The following TWSG1 variants were observed in gnomAD, a reference collection of about 807,000 sequenced individuals.
The protein encoded by TWSG1 is twisted gastrulation BMP signaling modulator 1, also known as twisted gastrulation protein homolog 1.
Under a neutral mutation model 23.0 loss-of-function variants are expected in TWSG1, and 15 were observed. That is an observed-to-expected ratio of 0.65 (90% CI 0.44 to 1.00). The LOEUF (loss-of-function observed/expected upper bound fraction) is 1.00. TWSG1 is among the 50% of genes least tolerant of loss of function. The pLI, the probability that TWSG1 is intolerant of heterozygous loss-of-function variation, is 0.00. For missense variants in TWSG1, 242 were observed against 278.7 expected (o/e 0.87, Z 0.94); for synonymous variants, 86 against 92.8 (o/e 0.93, Z 0.42).
chr18:9,336,102 G>T (rs1361522277), intron 1 of TWSG1, among the ~76,000 whole-genome samples: 2 of 152,122 alleles, frequency 1.3e-5, no homozygotes, highest in African/African-American at 4.8e-5. Context: ...AGAATTAAAA[G>T]AATATCTTGG....
chr18:9,369,838 T>G (rs1315868394), intron 3 of TWSG1, among the ~76,000 whole-genome samples: 1 of 152,174 alleles, frequency 6.6e-6, no homozygotes, highest in African/African-American at 2.4e-5. Context: ...GCCCCCTGAG[T>G]TCGTTACATA....
intron 3 of TWSG1, among the ~76,000 whole-genome samples, chr18:9,365,076 G>A (rs557230623): frequency 2.6e-5 from 4 of 152,138 alleles, no homozygotes; most frequent in African/African-American, 4.8e-5. Flanking sequence ...ATTCCAGCAC[G>A]TTGGGAGGCC....
intron 4 of TWSG1, 101 bp downstream of exon 4, chr18:9,396,647 G>A (rs2040738083): frequency 1.4e-6 from 2 of 1,428,440 alleles, no homozygotes; most frequent in Non-Finnish European, 1.9e-6. Context: ...GCAGCCTTTT[G>A]GTTTTGAATT....
At position 9,382,623 on chromosome 18, in the gene TWSG1, A is replaced by G. The variant is rs941622571; in HGVS notation, c.224-13657A>G. 2.0e-5 allele frequency among the ~76,000 whole-genome samples: 3 copies of G among 151,968 alleles called. No individual in the cohort carries two copies. In the East Asian group the frequency reaches 5.8e-4, roughly 29 times the overall value. Reference sequence around the variant, plus strand: ...GAGGTCAGGAGTTCGCCTGGCCAACATGGTGAAAACCTGTCTCTACTAAAA... The same window carrying G: ...GAGGTCAGGAGTTCGCCTGGCCAACGTGGTGAAAACCTGTCTCTACTAAAA... On this transcript the variant is annotated intron_variant, in intron 3 of 4. Transcript: ENST00000262120.
chr18:9,383,203 T>G (rs1247016871), intron 3 of TWSG1, among the ~76,000 whole-genome samples: 14 of 148,696 alleles, frequency 9.4e-5, no homozygotes, highest in Middle Eastern at 3.2e-3. Context: ...TGTTTTTTTT[T>G]TTTTTTTTTG....
At chr18:9,371,014 G>A (rs2040602555) in intron 3 of TWSG1, among the ~76,000 whole-genome samples, 1 of 150,754 alleles carries the variant, frequency 6.6e-6, no homozygotes, top group Non-Finnish European at 1.5e-5. Context: ...CTGAATAGCA[G>A]TACCTTTATT....
intron 2 of TWSG1, among the ~76,000 whole-genome samples, chr18:9,343,084 C>G (rs2040453250): frequency 6.6e-6 from 1 of 151,696 alleles, no homozygotes. Flanking sequence ...CATTAGCCTT[C>G]ATATTATGGA....
intron 2 of TWSG1, among the ~76,000 whole-genome samples, chr18:9,347,194 G>A (rs1467260680): frequency 6.6e-6 from 1 of 152,050 alleles, no homozygotes; most frequent in African/African-American, 2.4e-5. Context: ...TATTGTTGAG[G>A]TCTCTGTATG....
chr18:9,376,489 C>T (rs1432480653), intron 3 of TWSG1, among the ~76,000 whole-genome samples: 7 of 152,074 alleles, frequency 4.6e-5, no homozygotes, highest in East Asian at 3.9e-4. Context: ...CATAAATATA[C>T]GGCTGGCCCT....
intron 3 of TWSG1, among the ~76,000 whole-genome samples, chr18:9,383,296 C>T (rs918476923): frequency 2.0e-5 from 3 of 149,592 alleles, no homozygotes; most frequent in South Asian, 4.2e-4. Context: ...CAGGTTCAAA[C>T]GATTCTCCTG....
intron 3 of TWSG1, among the ~76,000 whole-genome samples, chr18:9,367,417 C>T (rs1162278467): frequency 6.6e-6 from 1 of 152,170 alleles, no homozygotes; most frequent in Non-Finnish European, 1.5e-5. Context: ...TTAGATTCCA[C>T]ATATAAGTGA....
At chr18:9,374,922 C>T (rs1475242197) in intron 3 of TWSG1, among the ~76,000 whole-genome samples, 1 of 152,144 alleles carries the variant, frequency 6.6e-6, no homozygotes, top group Non-Finnish European at 1.5e-5. Flanking sequence ...AATCCCAGCA[C>T]TTTGGGAGGC....
At chr18:9,347,595 A>G (rs2040483414) in intron 2 of TWSG1, among the ~76,000 whole-genome samples, 2 of 151,718 alleles carry the variant, frequency 1.3e-5, no homozygotes, top group Admixed American at 6.6e-5. Flanking sequence ...TTTTGATGCT[A>G]TTGTTAGTGG....
At chr18:9,394,127 A>G (rs2040724153) in intron 3 of TWSG1, among the ~76,000 whole-genome samples, 1 of 152,220 alleles carries the variant, frequency 6.6e-6, no homozygotes, top group African/African-American at 2.4e-5. Context: ...CAGTATTCAC[A>G]ATTGCCAAAA....
chr18:9,358,281 C>T (rs191249868), intron 2 of TWSG1, among the ~76,000 whole-genome samples: 36 of 152,160 alleles, frequency 2.4e-4, no homozygotes, highest in Admixed American at 1.4e-3. Flanking sequence ...TATTTTGAAA[C>T]GGCCTCCCCA....
chr18:9,396,735 G>GAAA, intron 4 of TWSG1, 189 bp downstream of exon 4: 1 of 611,018 alleles, frequency 1.6e-6, no homozygotes, highest in Non-Finnish European at 2.7e-6. Flanking sequence ...AAGGATAAGA[G>GAAA]AAAAAAAATA....
intron 2 of TWSG1, among the ~76,000 whole-genome samples, chr18:9,352,468 G>A (rs1036718261): frequency 4.6e-5 from 7 of 152,036 alleles, no homozygotes; most frequent in African/African-American, 1.5e-4. Flanking sequence ...CTGGGTCACC[G>A]GAGCATTTTG....
At chr18:9,344,531 A>ATGTTTTTTTT (rs756535502) in intron 2 of TWSG1, among the ~76,000 whole-genome samples, 1 of 102,100 alleles carries the variant, frequency 9.8e-6, no homozygotes, top group African/African-American at 3.7e-5. Flanking sequence ...GTATGTATGT[A>ATGTTTTTTTT]TTTTTTTTTT....
In TWSG1 at chr18:9,359,993, G is replaced by A; in HGVS notation, c.145G>A (p.Gly49Arg). Residue 49 changes from glycine (G) to arginine (R), a missense_variant, in exon 3 of 5, where the codon GGA becomes AGA. By Grantham distance (125) the Gly-to-Arg change is moderately radical. Coordinates refer to ENST00000262120, the MANE Select transcript of TWSG1 (RefSeq NM_020648.6). The stretch of plus-strand genomic sequence containing the variant: ...CTAGGAGCTCTGCCAGTGCCGGCCG[G>A]GAGAAGGCAATTGCTCCTGCTGTAA... ...LIQELCQCRP[G>R]EGNCSCCKEC... 6.2e-7 allele frequency: 1 copy of A among 1,613,454 alleles called. No homozygotes were observed. Among genetic ancestry groups the A allele is most frequent in the Non-Finnish European group, 8.5e-7 (1 of 1,179,584 alleles).
Sources: allele counts gnomAD v4.1 joint callset (sites outside exome capture counted in the v4.1 genomes callset), GRCh38; gene constraint gnomAD v4.1.1; transcripts MANE v1.5; gene names NCBI Gene and HGNC (gene_info 2026-07-23, HGNC 2026-07-21).